Variants in AGBL4 observed in about 807,000 individuals in gnomAD.
AGBL4 encodes cytosolic carboxypeptidase 6.
Under a neutral mutation model 66.4 loss-of-function variants are expected in AGBL4, and 58 were observed. That is an observed-to-expected ratio of 0.87 (90% confidence interval 0.71 to 1.09). AGBL4 has a LOEUF of 1.09. Ranked by LOEUF, AGBL4 falls within the 50% of genes least tolerant of loss-of-function variation. The pLI, the probability that AGBL4 is intolerant of heterozygous loss-of-function variation, is 0.00. For synonymous variants in AGBL4, 234 were observed against 222.9 expected, an observed-to-expected ratio of 1.05 and a Z score of -0.44; for missense variants, 579 against 631.0, an observed-to-expected ratio of 0.92 and a Z score of 0.88.
intron 2 of AGBL4, among the ~76,000 whole-genome samples, chr1:49,769,781 C>T (rs760930399): frequency 2.0e-5 from 3 of 152,166 alleles, no homozygotes; most frequent in South Asian, 2.1e-4. Flanking sequence ...AAACTGATCC[C>T]TACCTATCAA....
At chr1:48,790,370 A>AG (rs1645519152) in intron 6 of AGBL4, among the ~76,000 whole-genome samples, 1 of 27,550 alleles carries the variant, frequency 3.6e-5, no homozygotes, top group South Asian at 8.1e-3. Context: ...GCATGCAAAA[A>AG]GGGGGAAAAA....
At chr1:48,813,970 T>TAAC (rs564782268) in intron 6 of AGBL4, among the ~76,000 whole-genome samples, 2 of 152,070 alleles carry the variant, frequency 1.3e-5, no homozygotes, top group South Asian at 4.1e-4. Context: ...ATAATAATAA[T>TAAC]AACTAACTTC....
intron 4 of AGBL4, among the ~76,000 whole-genome samples, chr1:49,114,004 C>T (rs1016225218): frequency 6.6e-6 from 1 of 152,296 alleles, no homozygotes; most frequent in African/African-American, 2.4e-5. Context: ...TGAGCATTGG[C>T]TTCAACTTAA....
intron 3 of AGBL4, among the ~76,000 whole-genome samples, chr1:49,662,616 T>C (rs1358815027): frequency 6.6e-6 from 1 of 152,084 alleles, no homozygotes; most frequent in Non-Finnish European, 1.5e-5. Context: ...TTTTATTTGT[T>C]TTTGGCCTAG....
At chr1:48,952,570 G>A (rs942486782) in intron 5 of AGBL4, among the ~76,000 whole-genome samples, 5 of 152,172 alleles carry the variant, frequency 3.3e-5, no homozygotes, top group South Asian at 2.1e-4. Context: ...TCATATTCTC[G>A]CAAACACACA....
At position 50,019,300 on chromosome 1, in the gene AGBL4, T is replaced by A. The variant is rs35598144; in HGVS notation, c.34+4463A>T. Among the ~76,000 whole-genome samples, 384 of 72,058 alleles carry A rather than the reference T, an allele frequency of 5.3e-3. 1 individual carries two copies. The highest frequency in any genetic ancestry group is 0.02 in the South Asian group (31 of 1,546). 47.3% of individuals were successfully genotyped at this position (72,058 alleles called of 152,430 possible). On this transcript the variant is annotated intron_variant, in intron 1 of 13. Coordinates refer to ENST00000371839, the MANE Select transcript of AGBL4 (RefSeq NM_032785.4). ...CTCTCTCTCTCTCTCTCTCTCTCTC[T>A]CTCTCTCACACACACACACACACAC...
At chr1:49,562,983 A>C (rs529423841) in intron 3 of AGBL4, among the ~76,000 whole-genome samples, 14 of 152,072 alleles carry the variant, frequency 9.2e-5, no homozygotes, top group South Asian at 2.1e-4. Context: ...CTTTTATTTC[A>C]TTGAGCAGTG....
intron 4 of AGBL4, among the ~76,000 whole-genome samples, chr1:49,131,720 T>C (rs1262809903): frequency 2.0e-5 from 3 of 152,014 alleles, no homozygotes; most frequent in Admixed American, 2.0e-4. Flanking sequence ...ATTGACAGGA[T>C]TGACAGGATT....
At chr1:49,299,745 C>T (rs1644708943) in intron 3 of AGBL4, among the ~76,000 whole-genome samples, 1 of 152,124 alleles carries the variant, frequency 6.6e-6, no homozygotes, top group Non-Finnish European at 1.5e-5. Context: ...TTCCATTTCT[C>T]ACCATTAAGT....
intron 6 of AGBL4, among the ~76,000 whole-genome samples, chr1:48,780,209 C>T (rs995050539): frequency 1.1e-4 from 16 of 145,478 alleles, no homozygotes; most frequent in African/African-American, 7.7e-5. Context: ...CTACAGGCCC[C>T]GGTATGTGAT....
intron 5 of AGBL4, among the ~76,000 whole-genome samples, chr1:48,977,547 C>A (rs1000130321): frequency 3.3e-5 from 5 of 151,980 alleles, no homozygotes; most frequent in African/African-American, 1.2e-4. Flanking sequence ...ACCTGAAAAC[C>A]CATTTACAGA....
At chr1:49,604,294 T>C (rs773843157) in intron 3 of AGBL4, among the ~76,000 whole-genome samples, 12 of 152,150 alleles carry the variant, frequency 7.9e-5, no homozygotes, top group South Asian at 2.1e-4. Context: ...TGGTACCTCG[T>C]TGTTGTTTTA....
chr1:49,383,378 C>T (rs1351759716), intron 3 of AGBL4, among the ~76,000 whole-genome samples: 1 of 152,134 alleles, frequency 6.6e-6, no homozygotes, highest in South Asian at 2.1e-4. Flanking sequence ...AAAAGCCTGA[C>T]ACTTTCTGAA....
chr1:49,914,004 C>G (rs190333788), intron 1 of AGBL4, among the ~76,000 whole-genome samples: 25 of 152,204 alleles, frequency 1.6e-4, no homozygotes, highest in African/African-American at 5.8e-4. Context: ...CTTTGAAATG[C>G]CTTCAAGGTC....
At chr1:48,633,953 T>C (rs1410436490) in intron 9 of AGBL4, among the ~76,000 whole-genome samples, 1 of 152,232 alleles carries the variant, frequency 6.6e-6, no homozygotes, top group Non-Finnish European at 1.5e-5. Context: ...TATTCTTGTC[T>C]TCTGAGCCAG....
At chr1:49,680,046 TCC>T (rs1230114193) in intron 3 of AGBL4, among the ~76,000 whole-genome samples, 2 of 146,590 alleles carry the variant, frequency 1.4e-5, no homozygotes, top group African/African-American at 2.5e-5. Context: ...TTCTTCTTCT[TCC>T]CTTTTTTTTT....
intron 10 of AGBL4, among the ~76,000 whole-genome samples, chr1:48,588,851 A>AGAAGG (rs1553191785): frequency 0.032 from 4,401 of 138,624 alleles, 86 homozygotes; most frequent in Middle Eastern, 0.053. Flanking sequence ...AGAAGAGAAG[A>AGAAGG]GAAGAGAAGG....
intron 5 of AGBL4, among the ~76,000 whole-genome samples, chr1:49,020,582 A>G (rs2149021009): frequency 6.6e-6 from 1 of 152,256 alleles, no homozygotes; most frequent in South Asian, 2.1e-4. Context: ...AGGCCCTCAG[A>G]CTGCATGGCA....
At chr1:49,338,414 G>T (rs186437522) in intron 3 of AGBL4, among the ~76,000 whole-genome samples, 1 of 152,254 alleles carries the variant, frequency 6.6e-6, no homozygotes, top group Non-Finnish European at 1.5e-5. Flanking sequence ...TTCCTTCATC[G>T]TCATAAGATC....
Sources: gnomAD v4.1 joint callset for allele counts (sites outside exome capture counted in the v4.1 genomes callset) on GRCh38, gnomAD v4.1.1 for gene constraint, MANE v1.5 for transcripts, NCBI Gene and HGNC (gene_info 2026-07-23, HGNC 2026-07-21) for gene names.